Variants in LETMD1 observed in about 807,000 individuals in gnomAD.
LETMD1 encodes the protein LETM1 domain containing 1, also known as LETM1 domain-containing protein 1.
A neutral mutation model predicts 43.9 loss-of-function variants in LETMD1; 30 were observed. That is an observed-to-expected ratio of 0.68 (90% CI 0.51 to 0.93). LETMD1 has a LOEUF of 0.93. Ranked by LOEUF, LETMD1 falls within the 40% of genes least tolerant of loss-of-function variation. The pLI, the probability that LETMD1 is intolerant of heterozygous loss-of-function variation, is 0.00. For synonymous variants in LETMD1, 176 were observed against 163.1 expected (o/e 1.08, Z -0.60); for missense variants, 413 against 447.7 (o/e 0.92, Z 0.70).
chr12:51,066,453 CA>C, the LETMD1 span, among the ~76,000 whole-genome samples: 143 of 78,114 alleles, frequency 1.8e-3, no homozygotes, highest in East Asian at 8.6e-3. Flanking sequence ...GACTCCGTCT[CA>C]AAAAAAAAAA....
chr12:51,051,981 C>G (rs549759678), intron 2 of LETMD1, 111 bp from the exon 3 acceptor site: 4 of 879,234 alleles, frequency 4.5e-6, no homozygotes, highest in Non-Finnish European at 6.8e-6. Context: ...CTTTGAGTAT[C>G]GTTGGGGAGG....
chr12:51,054,307 A>G (rs1947005978), intron 4 of LETMD1, among the ~76,000 whole-genome samples: 1 of 152,252 alleles, frequency 6.6e-6, no homozygotes, highest in African/African-American at 2.4e-5. Context: ...TCAAAGCTTA[A>G]TAGCATAAAA....
intron 7 of LETMD1, 131 bp downstream of exon 7, chr12:51,056,633 T>G: frequency 1.5e-6 from 1 of 688,544 alleles, no homozygotes; most frequent in Non-Finnish European, 2.4e-6. Context: ...CTCACTTCAT[T>G]TATTTATTTA....
At chr12:51,068,404 G>A in the LETMD1 span, among the ~76,000 whole-genome samples, 4 of 152,026 alleles carry the variant, frequency 2.6e-5, no homozygotes, top group Admixed American at 6.6e-5. Flanking sequence ...CACACACCTC[G>A]GCCTCCCAAA....
Position 51,055,982 on chromosome 12 carries a change from T to C in LETMD1, c.621T>C (p.Asp207=), listed in dbSNP as rs541418751. 9.3e-6 allele frequency: 15 copies of C among 1,614,188 alleles called. 1 individual carries two copies. The South Asian group carries it at 1.5e-4, about 17-fold the overall frequency. ...YLEKVIPLIS[D]AGLRWRLTDL... ...AAAAGGTCATCCCTCTCATTTCTGA[T>C]GCAGGACTCCGGTGGCGTCTGACAG... The change falls in exon 5 of 9, where the codon GAT becomes GAC. Residue 207 remains aspartate (D), a synonymous_variant. Coordinates refer to ENST00000262055, the MANE Select transcript of LETMD1 (RefSeq NM_015416.5).
At chr12:51,063,597 TCAAA>T (rs1037683400), downstream of LETMD1, 21 of 621,298 alleles carry the variant, frequency 3.4e-5, no homozygotes, top group African/African-American at 3.5e-4. Context: ...TAAAAAATAC[TCAAA>T]CAATCCTTTC....
chr12:51,048,451 G>T lies in LETMD1; in HGVS notation c.95G>T (p.Arg32Leu), dbSNP rs1233244017. 1 of 1,613,914 alleles carries T rather than the reference G, an allele frequency of 6.2e-7. No homozygotes were observed. The highest frequency in any genetic ancestry group is 8.5e-7 in the Non-Finnish European group (1 of 1,180,016). The part of the protein sequence containing the change: ...HFVTRRLQLG[R>L]SGLAWGAPRS... ...GTCACCCGGAGGCTGCAACTTGGTC[G>T]CTCTGGCCTGGCTTGGGGGGCCCCT... The change falls in exon 1 of 9, where the codon CGC (arginine) becomes CTC (leucine). Residue 32 changes from arginine (R) to leucine (L), a missense_variant. Physicochemically the swap from Arg to Leu is moderately radical, Grantham distance 102. Coordinates refer to ENST00000262055, the MANE Select transcript of LETMD1 (RefSeq NM_015416.5).
chr12:51,056,768 C>T (rs1947861436), intron 7 of LETMD1: 1 of 288,454 alleles, frequency 3.5e-6, no homozygotes, highest in Non-Finnish European at 6.5e-6. Flanking sequence ...ATCCTCCTAC[C>T]TCAGCCTCCC....
downstream of LETMD1, chr12:51,064,318 C>T (rs199546575): frequency 3.7e-4 from 599 of 1,614,040 alleles, 1 homozygote; most frequent in Non-Finnish European, 4.9e-4. Flanking sequence ...CCCAGGCTCT[C>T]GATGCTCGAG....
At chr12:51,050,215 T>C (rs1475808108) in intron 2 of LETMD1, among the ~76,000 whole-genome samples, 1 of 149,156 alleles carries the variant, frequency 6.7e-6, no homozygotes, top group Non-Finnish European at 1.5e-5. Flanking sequence ...TGTTTGTTTT[T>C]AAACTTTTTA....
chr12:51,049,724 C>A (rs1287745787), intron 2 of LETMD1, among the ~76,000 whole-genome samples: 8 of 152,172 alleles, frequency 5.3e-5, no homozygotes, highest in African/African-American at 1.7e-4. Flanking sequence ...ATTCAAATCC[C>A]AGTTCGTCAC....
At chr12:51,058,407 CTTTA>C (rs576867748) in intron 8 of LETMD1, 634 of 363,796 alleles carry the variant, frequency 1.7e-3, no homozygotes, top group South Asian at 3.3e-3. Context: ...ATATCCTGTG[CTTTA>C]TTTATTTATT....
At chr12:51,052,008 T>G in intron 2 of LETMD1, 84 bp from the exon 3 acceptor site, 6 of 1,256,124 alleles carry the variant, frequency 4.8e-6, no homozygotes, top group Non-Finnish European at 6.7e-6. Context: ...AGTGTTTGCA[T>G]GTGATTGAAC....
downstream of LETMD1, chr12:51,062,765 C>T (rs1303111593): frequency 1.3e-5 from 2 of 152,340 alleles, no homozygotes; most frequent in African/African-American, 4.8e-5. Flanking sequence ...TTGCCACATT[C>T]TACATTCCAC....
At chr12:51,060,901 CAAAAAAA>C (rs35850463), downstream of LETMD1, among the ~76,000 whole-genome samples, 5 of 65,488 alleles carry the variant, frequency 7.6e-5, no homozygotes, top group Non-Finnish European at 1.3e-4. Context: ...GATTCTGTCT[CAAAAAAA>C]AAAAAAAAAA....
At chr12:51,068,264 T>C in the LETMD1 span, among the ~76,000 whole-genome samples, 8 of 152,288 alleles carry the variant, frequency 5.3e-5, no homozygotes, top group African/African-American at 1.9e-4. Context: ...TTCAAGCGAT[T>C]CTCCTGCCTC....
At chr12:51,060,886 A>G (rs1211682363), downstream of LETMD1, among the ~76,000 whole-genome samples, 7 of 148,174 alleles carry the variant, frequency 4.7e-5, no homozygotes, top group Admixed American at 4.7e-4. Context: ...TGGGCGACAG[A>G]ATGAGATTCT....
chr12:51,064,808 A>G, downstream of LETMD1: 1 of 606,146 alleles, frequency 1.6e-6, no homozygotes, highest in Non-Finnish European at 2.7e-6. Flanking sequence ...AAAGCATAGC[A>G]TGCAGTGTGA....
the LETMD1 span, among the ~76,000 whole-genome samples, chr12:51,066,571 G>C: frequency 6.6e-6 from 1 of 151,724 alleles, no homozygotes; most frequent in Non-Finnish European, 1.5e-5. Context: ...AACCCAGGAG[G>C]TGGAGGTAGC....
Sources: gnomAD v4.1 joint callset for allele counts (sites outside exome capture counted in the v4.1 genomes callset) on GRCh38, gnomAD v4.1.1 for gene constraint, MANE v1.5 for transcripts, NCBI Gene and HGNC (gene_info 2026-07-23, HGNC 2026-07-21) for gene names.